The following LAMB4 variants were observed in gnomAD, a reference collection of about 807,000 sequenced individuals.
The protein encoded by LAMB4 is laminin subunit beta-4.
LAMB4 carries 196 observed loss-of-function variants against 199.2 expected under a neutral mutation model. The observed-to-expected ratio is 0.98, with a 90% CI of 0.88 to 1.11. The LOEUF (loss-of-function observed/expected upper bound fraction) is 1.11, where lower values mean the gene tolerates loss of function less well. Among genes scored for constraint, LAMB4 ranks in the 50% least tolerant of loss-of-function variants. The pLI is 0.00. For missense variants in LAMB4, 2,080 were observed against 2,171.2 expected, an observed-to-expected ratio of 0.96 and a Z score of 0.83; for synonymous variants, 744 against 770.6, an observed-to-expected ratio of 0.97 and a Z score of 0.57.
chr7:108,016,927 A>C, the LAMB4 span, among the ~76,000 whole-genome samples: 2 of 152,162 alleles, frequency 1.3e-5, no homozygotes, highest in Non-Finnish European at 2.9e-5. Context: ...CCACCTAGTG[A>C]ATGTGAGATA....
chr7:108,082,356 C>T (rs563203933), intron 14 of LAMB4, among the ~76,000 whole-genome samples: 1 of 148,504 alleles, frequency 6.7e-6, no homozygotes, highest in Non-Finnish European at 1.5e-5. Context: ...AAAAAAGAGT[C>T]GCAGAACTTC....
At chr7:108,026,230 C>A (rs1732162) in intron 33 of LAMB4, among the ~76,000 whole-genome samples, 8 of 152,078 alleles carry the variant, frequency 5.3e-5, no homozygotes, top group African/African-American at 1.9e-4. Context: ...TAGTTCTTCC[C>A]ATCAAGAAGT....
intron 11 of LAMB4, among the ~76,000 whole-genome samples, chr7:108,098,033 G>A (rs2037678663): frequency 6.6e-6 from 1 of 152,092 alleles, no homozygotes; most frequent in Non-Finnish European, 1.5e-5. Flanking sequence ...GGATTCTTAG[G>A]TATTCATGAT....
At position 108,106,508 on chromosome 7, in the gene LAMB4, C is replaced by T. The variant is rs771130931; in HGVS notation, c.655+1G>A. 20 of 1,546,328 alleles carry T rather than the reference C, an allele frequency of 1.3e-5. No homozygotes were observed. The highest frequency in any genetic ancestry group is 5.3e-5 in the Admixed American group (3 of 56,178). ...TATGAAAAATATAAAGGAATTCATA[C>T]CTTGGATGTAGGGGCTATAAGGGTT... On this transcript the variant is annotated splice_donor_variant, in intron 7 of 33. Transcript: ENST00000388781. LOFTEE classifies it high-confidence loss of function.
chr7:108,091,802 A>C, intron 13 of LAMB4, 26 bp from the exon 14 acceptor site: 1 of 1,612,160 alleles, frequency 6.2e-7, no homozygotes, highest in Non-Finnish European at 8.5e-7. Flanking sequence ...TTCATCATGA[A>C]AAAATGCAAA....
chr7:108,034,871 G>A (rs1195302889), intron 30 of LAMB4, among the ~76,000 whole-genome samples: 1 of 152,148 alleles, frequency 6.6e-6, no homozygotes, highest in Non-Finnish European at 1.5e-5. Flanking sequence ...AGTGATAACA[G>A]TCTTTCTGCA....
chr7:108,077,368 T>C (rs1350436260), intron 16 of LAMB4, among the ~76,000 whole-genome samples: 3 of 152,120 alleles, frequency 2.0e-5, no homozygotes, highest in Non-Finnish European at 4.4e-5. Flanking sequence ...TCTCTCATGC[T>C]AACATCAACA....
the LAMB4 span, among the ~76,000 whole-genome samples, chr7:108,016,380 T>C: frequency 6.7e-6 from 1 of 148,450 alleles, no homozygotes; most frequent in Admixed American, 7.0e-5. Context: ...GTCTCCCAGG[T>C]TCAAATGATT....
intron 1 of LAMB4, among the ~76,000 whole-genome samples, chr7:108,123,994 A>C (rs1225060410): frequency 6.6e-6 from 1 of 152,056 alleles, no homozygotes; most frequent in East Asian, 1.9e-4. Flanking sequence ...TGGAGAAAAG[A>C]AGGTAAAATT....
intron 28 of LAMB4, 109 bp downstream of exon 28, chr7:108,047,799 T>C: frequency 1.2e-6 from 1 of 842,808 alleles, no homozygotes; most frequent in Non-Finnish European, 2.0e-6. Context: ...ACACCAACTA[T>C]CTAGAATCTA....
intron 14 of LAMB4, among the ~76,000 whole-genome samples, chr7:108,086,852 G>A (rs978766801): frequency 2.0e-5 from 3 of 152,182 alleles, no homozygotes; most frequent in African/African-American, 7.2e-5. Context: ...ATTCCCGGAT[G>A]TGGTATCTCC....
chr7:108,070,282 T>A (rs1402545537), intron 17 of LAMB4, among the ~76,000 whole-genome samples: 1 of 152,218 alleles, frequency 6.6e-6, no homozygotes, highest in Non-Finnish European at 1.5e-5. Context: ...CCTCTAGTCT[T>A]CTTTTTGCTT....
intron 4 of LAMB4, among the ~76,000 whole-genome samples, chr7:108,109,853 A>T (rs1223948740): frequency 6.6e-6 from 1 of 152,268 alleles, no homozygotes; most frequent in Admixed American, 6.5e-5. Context: ...CTGGACACAA[A>T]AGAAGCCCAG....
chr7:108,064,995 T>G (rs2036286469), intron 21 of LAMB4, among the ~76,000 whole-genome samples: 1 of 151,096 alleles, frequency 6.6e-6, no homozygotes, highest in African/African-American at 2.4e-5. Context: ...AGCCATGAAC[T>G]CCTGGGCTCA....
At chr7:108,067,911 G>C in intron 19 of LAMB4, 105 bp downstream of exon 19, 1 of 1,364,534 alleles carries the variant, frequency 7.3e-7, no homozygotes, top group Non-Finnish European at 1.0e-6. Flanking sequence ...AATGTAGTCA[G>C]GTTTCCAATC....
At chr7:108,063,730 A>G (rs750581136) in intron 22 of LAMB4, 31 bp downstream of exon 22, 2 of 1,565,260 alleles carry the variant, frequency 1.3e-6, no homozygotes, top group Non-Finnish European at 1.8e-6. Context: ...CTCAGCTGAC[A>G]CATTTCCCCC....
intron 12 of LAMB4, among the ~76,000 whole-genome samples, chr7:108,093,692 A>G (rs2037494600): frequency 6.6e-6 from 1 of 152,336 alleles, no homozygotes; most frequent in Admixed American, 6.5e-5. Flanking sequence ...AATGCTAAAA[A>G]AAATTCTCCT....
chr7:108,106,182 C>A, intron 7 of LAMB4, 151 bp from the exon 8 acceptor site: 3 of 679,884 alleles, frequency 4.4e-6, no homozygotes. Flanking sequence ...CTTTGGGTGG[C>A]CGAGGCAGGA....
At chr7:108,061,513 C>T (rs1584658907) in intron 23 of LAMB4, among the ~76,000 whole-genome samples, 2 of 151,814 alleles carry the variant, frequency 1.3e-5, no homozygotes, top group Admixed American at 6.6e-5. Flanking sequence ...CTGAGGTGGG[C>T]GGATCACTTG....
Sources: gnomAD v4.1 joint callset for allele counts (sites outside exome capture counted in the v4.1 genomes callset) on GRCh38, gnomAD v4.1.1 for gene constraint, MANE v1.5 for transcripts, NCBI Gene and HGNC (gene_info 2026-07-23, HGNC 2026-07-21) for gene names.